Variants in CD53 observed in about 807,000 individuals in gnomAD.
The protein encoded by CD53 is leukocyte surface antigen CD53.
In CD53, 20 loss-of-function variants were observed where a neutral mutation model predicts 27.3. The observed-to-expected ratio is 0.73, with a 90% CI of 0.52 to 1.07. The LOEUF (loss-of-function observed/expected upper bound fraction) is 1.07, where lower values mean the gene tolerates loss of function less well. Among genes scored for constraint, CD53 ranks in the 50% least tolerant of loss-of-function variants. The pLI is 0.00. For synonymous variants in CD53, 106 were observed against 105.3 expected, an observed-to-expected ratio of 1.01 and a Z score of -0.04; for missense variants, 216 against 264.0, an observed-to-expected ratio of 0.82 and a Z score of 1.26.
At chr1:110,891,244 G>A (rs1656840346) in intron 1 of CD53, 148 bp from the exon 2 acceptor site, 3 of 633,280 alleles carry the variant, frequency 4.7e-6, no homozygotes, top group Non-Finnish European at 8.5e-6. Context: ...TTTAGAACTA[G>A]GAAAGCGCAG....
chr1:110,881,891 A>T (rs1656367866), intron 1 of CD53, among the ~76,000 whole-genome samples: 1 of 152,148 alleles, frequency 6.6e-6, no homozygotes. Context: ...TCATGTCCTT[A>T]TTTGCCATCC....
chr1:110,876,859 A>G (rs1318152250), intron 1 of CD53, among the ~76,000 whole-genome samples: 4 of 152,212 alleles, frequency 2.6e-5, no homozygotes, highest in Non-Finnish European at 5.9e-5. Flanking sequence ...GATTTCCAAA[A>G]TATTAACATT....
chr1:110,892,268 C>A, intron 2 of CD53, 77 bp from the exon 3 acceptor site: 1 of 1,016,596 alleles, frequency 9.8e-7, no homozygotes, highest in Non-Finnish European at 1.6e-6. Context: ...TGATTCTGAT[C>A]TCAAGGAAGT....
At chr1:110,871,491 A>G (rs1297178639), upstream of CD53, among the ~76,000 whole-genome samples, 1 of 151,956 alleles carries the variant, frequency 6.6e-6, no homozygotes, top group Non-Finnish European at 1.5e-5. Flanking sequence ...GAGTGTGGGG[A>G]TGCCAAGTTA....
At chr1:110,875,128 G>A (rs1165964425) in intron 1 of CD53, among the ~76,000 whole-genome samples, 2 of 152,178 alleles carry the variant, frequency 1.3e-5, no homozygotes, top group Admixed American at 6.5e-5. Context: ...AGAAGTATGG[G>A]TTTGCTATGG....
intron 1 of CD53, among the ~76,000 whole-genome samples, chr1:110,875,439 G>T (rs1656089201): frequency 6.6e-6 from 1 of 152,174 alleles, no homozygotes; most frequent in Non-Finnish European, 1.5e-5. Context: ...CCTCAACCTA[G>T]ATTTTCACTT....
intron 1 of CD53, among the ~76,000 whole-genome samples, chr1:110,886,125 A>G (rs1168832738): frequency 6.6e-6 from 1 of 152,030 alleles, no homozygotes; most frequent in Non-Finnish European, 1.5e-5. Flanking sequence ...TTTATTGGGT[A>G]TAGATTTTTA....
intron 1 of CD53, among the ~76,000 whole-genome samples, chr1:110,873,480 CG>C (rs1328241973): frequency 5.3e-5 from 8 of 152,144 alleles, no homozygotes; most frequent in South Asian, 4.1e-4. Flanking sequence ...ATCTCTGAGT[CG>C]AGGCATTCAC....
At position 110,899,170 on chromosome 1, in the gene CD53, A is replaced by T. The variant is rs1230266103; in HGVS notation, c.635A>T (p.Lys212Ile). Reference sequence around the variant, plus strand: ...CTGACCCTGAACTGCCAGATTGACAAAACCAGCCAGACCATAGGGCTATGA... The same window carrying T: ...CTGACCCTGAACTGCCAGATTGACATAACCAGCCAGACCATAGGGCTATGA... ...FALTLNCQID[K>I]TSQTIGL is the part of the protein sequence containing the mutation. Residue 212 changes from lysine to isoleucine, a missense_variant, in exon 8 of 8, where the codon AAA (lysine) becomes ATA (isoleucine). By Grantham distance (102) the Lys-to-Ile change is moderately radical. Transcript: ENST00000271324. The T allele has an allele frequency of 6.2e-7, 1 of 1,613,828 alleles. No individual in the cohort carries two copies. Among genetic ancestry groups the T allele is most frequent in the Admixed American group, 1.7e-5 (1 of 60,020 alleles).
chr1:110,881,616 A>G (rs1656356872), intron 1 of CD53, among the ~76,000 whole-genome samples: 1 of 152,204 alleles, frequency 6.6e-6, no homozygotes, highest in Non-Finnish European at 1.5e-5. Flanking sequence ...TCTCTTGGGT[A>G]AATACCTAGG....
intron 1 of CD53, among the ~76,000 whole-genome samples, chr1:110,878,565 T>A (rs957996647): frequency 2.6e-5 from 4 of 152,108 alleles, no homozygotes; most frequent in African/African-American, 9.7e-5. Flanking sequence ...AATGTAGAAT[T>A]TTTTTTTAAA....
chr1:110,881,588 T>C (rs1656355697), intron 1 of CD53, among the ~76,000 whole-genome samples: 2 of 152,242 alleles, frequency 1.3e-5, no homozygotes, highest in African/African-American at 4.8e-5. Flanking sequence ...AGTCCTAGTA[T>C]GGACATATGC....
At chr1:110,889,096 T>G (rs1570906425) in intron 1 of CD53, among the ~76,000 whole-genome samples, 1 of 129,562 alleles carries the variant, frequency 7.7e-6, no homozygotes, top group East Asian at 2.1e-4. Context: ...AAATGTCACA[T>G]TCTAAGAGTT....
chr1:110,873,117 A>G (rs937005364), upstream of CD53: 1 of 152,562 alleles, frequency 6.6e-6, no homozygotes, highest in African/African-American at 2.4e-5. Context: ...CAGCATGATC[A>G]TATTTTTTCA....
Position 110,894,986 on chromosome 1 carries a change from G to C in CD53, c.354G>C (p.Leu118=). The change falls in exon 5 of 8, where the codon CTG becomes CTC. Residue 118 remains leucine (L), a synonymous_variant. Coordinates refer to ENST00000271324, the MANE Select transcript of CD53 (RefSeq NM_000560.4). ...TGAATGAGTATGTGGCTAAGGGTCT[G>C]ACCGACAGCATCCACCGTTACCACT... ...QKLNEYVAKG[L]TDSIHRYHSD... 6.2e-7 allele frequency: 1 copy of C among 1,614,000 alleles called. No individual in the cohort carries two copies. Among genetic ancestry groups the C allele is most frequent in the Non-Finnish European group, 8.5e-7 (1 of 1,179,928 alleles).
intron 1 of CD53, among the ~76,000 whole-genome samples, chr1:110,884,633 C>A (rs1656494673): frequency 6.6e-6 from 1 of 152,030 alleles, no homozygotes; most frequent in Admixed American, 6.5e-5. Flanking sequence ...TAAATTTTGA[C>A]TAGGTGCAAA....
At chr1:110,880,516 T>C (rs1049117255) in intron 1 of CD53, among the ~76,000 whole-genome samples, 2 of 152,156 alleles carry the variant, frequency 1.3e-5, no homozygotes, top group South Asian at 2.1e-4. Flanking sequence ...CTGAACTAAT[T>C]GTCACAGGAT....
chr1:110,886,235 G>A (rs1656597096), intron 1 of CD53, among the ~76,000 whole-genome samples: 1 of 151,712 alleles, frequency 6.6e-6, no homozygotes, highest in East Asian at 1.9e-4. Context: ...CCTTACAATT[G>A]TTCCTTAGTC....
chr1:110,871,530 A>G (rs547713883), upstream of CD53, among the ~76,000 whole-genome samples: 1 of 152,196 alleles, frequency 6.6e-6, no homozygotes, highest in East Asian at 1.9e-4. Context: ...ATTGGATTTG[A>G]GGTGCCTGGG....
Sources: gnomAD v4.1 joint callset for allele counts (sites outside exome capture counted in the v4.1 genomes callset) on GRCh38, gnomAD v4.1.1 for gene constraint, MANE v1.5 for transcripts, NCBI Gene and HGNC (gene_info 2026-07-23, HGNC 2026-07-21) for gene names.